The following PIWIL3 variants were observed in gnomAD, a reference collection of about 807,000 sequenced individuals.
PIWIL3 encodes the protein piwi-like protein 3.
In PIWIL3, 101 loss-of-function variants were observed where a neutral mutation model predicts 109.7. The observed-to-expected ratio is 0.92, with a 90% CI of 0.78 to 1.09. The LOEUF is 1.09. Among genes scored for constraint, PIWIL3 ranks in the 50% least tolerant of loss-of-function variants. The pLI, the probability that PIWIL3 is intolerant of heterozygous loss-of-function variation, is 0.00. For missense variants in PIWIL3, 1,031 were observed against 1,072.6 expected, an observed-to-expected ratio of 0.96 and a Z score of 0.54; for synonymous variants, 373 against 376.4, an observed-to-expected ratio of 0.99 and a Z score of 0.10.
At chr22:24,725,385 T>G in intron 17 of PIWIL3, 60 bp downstream of exon 17, 2 of 1,585,796 alleles carry the variant, frequency 1.3e-6, no homozygotes, top group Admixed American at 1.7e-5. Flanking sequence ...AGGCAGTAAG[T>G]CCATTGGTGG....
intron 8 of PIWIL3, among the ~76,000 whole-genome samples, chr22:24,753,099 C>T (rs1464320459): frequency 2.0e-5 from 3 of 152,144 alleles, no homozygotes; most frequent in Non-Finnish European, 4.4e-5. Flanking sequence ...CCAGTTTTTC[C>T]AGTTGTGTTT....
At chr22:24,738,184 G>A (rs571457768) in intron 12 of PIWIL3, among the ~76,000 whole-genome samples, 3 of 151,896 alleles carry the variant, frequency 2.0e-5, no homozygotes, top group African/African-American at 7.2e-5. Flanking sequence ...AGGAAGGGAA[G>A]AGTGAGAAGG....
intron 2 of PIWIL3, chr22:24,761,848 G>A (rs1297524087): frequency 1.5e-6 from 1 of 666,274 alleles, no homozygotes; most frequent in East Asian, 1.4e-4. Flanking sequence ...AGAAGGAGAG[G>A]AGCAACAGTC....
In PIWIL3 at chr22:24,734,127, TA is replaced by T; in HGVS notation, c.1663del (p.Tyr555IlefsTer2). The T allele has an allele frequency of 2.5e-6, 4 of 1,613,044 alleles. No homozygotes were observed. The highest frequency in any genetic ancestry group is 3.4e-6 in the Non-Finnish European group (4 of 1,179,642). ...AGTATATTTCCGTAATGTGTCTATA[TA>T]GGAGTTAGCATCACCATCTACTTCA... ...MIEVDGDANS[Y>X]IDTLRKYTRP... On this transcript the variant is annotated frameshift_variant, in exon 14 of 21. Coordinates refer to ENST00000616349, the MANE Select transcript of PIWIL3 (RefSeq NM_001255975.1). LOFTEE classifies it high-confidence loss of function.
chr22:24,734,647 T>C (rs540482142), intron 13 of PIWIL3, among the ~76,000 whole-genome samples: 1 of 151,790 alleles, frequency 6.6e-6, no homozygotes. Flanking sequence ...GTCCCCACAG[T>C]TTTGAGAGTT....
intron 19 of PIWIL3, among the ~76,000 whole-genome samples, chr22:24,721,009 G>A (rs140793593): frequency 2.0e-5 from 3 of 152,106 alleles, no homozygotes; most frequent in African/African-American, 4.8e-5. Context: ...ATACTCCATC[G>A]TAACTGATCA....
Position 24,754,111 on chromosome 22 carries a change from C to A in PIWIL3, c.880G>T (p.Ala294Ser), listed in dbSNP as rs527631431. 6 of 1,613,336 alleles carry A rather than the reference C, an allele frequency of 3.7e-6. No individual in the cohort carries two copies. The East Asian group carries it at 1.3e-4, about 36-fold the overall frequency. Residue 294 changes from alanine (A) to serine (S), a missense_variant, in exon 8 of 21, where the codon GCT (alanine) becomes TCT (serine). By Grantham distance (99) the Ala-to-Ser change is moderately conservative. Coordinates refer to ENST00000616349, the MANE Select transcript of PIWIL3 (RefSeq NM_001255975.1). The stretch of plus-strand genomic sequence containing the variant: ...GATGTTCTCTTTATGAAATCATAAG[C>A]AGTTTCTATTCGGAGCAGTTTGTGG... ...VSHKLLRIET[A>S]YDFIKRTSAQ...
At chr22:24,737,354 G>A (rs549147908) in intron 12 of PIWIL3, among the ~76,000 whole-genome samples, 103 of 152,262 alleles carry the variant, frequency 6.8e-4, no homozygotes, top group African/African-American at 2.4e-3. Context: ...AGGGAAACCT[G>A]TTGCTTTGAA....
rs2147648716 is a variant in PIWIL3, at chr22:24,725,116, CCATCTTTCAACACTGCAGCTTT to C, written c.2081-101_2081-80del. 1.2e-5 allele frequency: 19 copies of C among 1,540,898 alleles called. No homozygotes were observed. In the South Asian group the frequency reaches 2.2e-4, roughly 18 times the overall value. On this transcript the variant is annotated intron_variant, in intron 17 of 20. Transcript: ENST00000616349. ...TTGCTGCTTTTGACAAATTCTAGGT[CCATCTTTCAACACTGCAGCTTT>C]CAGGGCAATTTTACTGCTTAAGTCC...
intron 1 of PIWIL3, among the ~76,000 whole-genome samples, chr22:24,772,404 A>C (rs1926181124): frequency 6.6e-6 from 1 of 152,214 alleles, no homozygotes; most frequent in Non-Finnish European, 1.5e-5. Flanking sequence ...GTGGAATCAT[A>C]GCCTGTCCAG....
Position 24,751,374 on chromosome 22 carries a change from T to A in PIWIL3, c.1089+13A>T. 6.3e-7 allele frequency: 1 copy of A among 1,581,138 alleles called. No homozygotes were observed. The highest frequency in any genetic ancestry group is 2.2e-5 in the East Asian group (1 of 44,586). ...TACAATTTAAATATATTTAAAGAAA[T>A]ACAGTTTCATACCTGCCTGTAGTAG... On this transcript the variant is annotated intron_variant, in intron 9 of 20. Coordinates refer to ENST00000616349, the MANE Select transcript of PIWIL3 (RefSeq NM_001255975.1).
chr22:24,764,271 C>T (rs1316466827), intron 1 of PIWIL3, among the ~76,000 whole-genome samples: 1 of 152,244 alleles, frequency 6.6e-6, no homozygotes, highest in African/African-American at 2.4e-5. Context: ...GGGAGTGGGG[C>T]TGGCTCGCCC....
chr22:24,765,766 G>A (rs147301397), intron 1 of PIWIL3, among the ~76,000 whole-genome samples: 1,466 of 145,822 alleles, frequency 0.01, 20 homozygotes, highest in African/African-American at 0.035. Context: ...AAATTTAGAG[G>A]AAAATGAGTA....
intron 8 of PIWIL3, 138 bp downstream of exon 8, chr22:24,753,874 GGA>G: frequency 1.5e-6 from 1 of 681,508 alleles, no homozygotes. Flanking sequence ...TATAACCAGA[GGA>G]GAGACGTGTT....
Position 24,759,890 on chromosome 22 carries a change from CTGCTCCTCCTCT to C in PIWIL3, c.190_201del (p.Arg64_Ala67del), listed in dbSNP as rs548233885. On this transcript the variant is annotated inframe_deletion, in exon 3 of 21. Transcript: ENST00000616349. ...TCACCTTGAGACTGTGCTCCTCCTC[CTGCTCCTCCTCT>C]TGCTGCTCTTGGCTGCAGAGGTCTA... 3.6e-3 allele frequency: 5,854 copies of C among 1,614,078 alleles called. 15 individuals are homozygous for C. Among genetic ancestry groups the C allele is most frequent in the Non-Finnish European group, 4.5e-3 (5,332 of 1,179,962 alleles).
Position 24,755,917 on chromosome 22 carries a change from AAAAAAC to A in PIWIL3, c.571-18_571-13del, listed in dbSNP as rs1340484354. ...AACCATTCCACTCTCTGAGATTAAAAAAAAACAAAAAAAAAAGTCCAGATATTCTTC... is the reference window on the plus strand; with the variant it reads ...AACCATTCCACTCTCTGAGATTAAAAAAAAAAAAAAGTCCAGATATTCTTC... On this transcript the variant is annotated splice_polypyrimidine_tract_variant and intron_variant, in intron 5 of 20. Transcript: ENST00000616349. 48 of 1,582,480 alleles carry A rather than the reference AAAAAAC, an allele frequency of 3.0e-5. No homozygotes were observed. The highest frequency in any genetic ancestry group is 3.8e-5 in the Non-Finnish European group (45 of 1,169,566).
intron 7 of PIWIL3, 78 bp from the exon 8 acceptor site, chr22:24,754,295 TA>T: frequency 8.2e-7 from 1 of 1,223,836 alleles, no homozygotes; most frequent in Non-Finnish European, 1.2e-6. Flanking sequence ...GCTCTGGGTC[TA>T]AAAATTGGTA....
intron 12 of PIWIL3, among the ~76,000 whole-genome samples, chr22:24,741,984 G>T (rs1924035559): frequency 6.6e-6 from 1 of 151,974 alleles, no homozygotes; most frequent in African/African-American, 2.4e-5. Flanking sequence ...TGATATGATT[G>T]CATACCTAGA....
In PIWIL3 at chr22:24,759,883, CCTCCTCCTG is replaced by C. The variant is rs777869953; in HGVS notation, c.200_208del (p.Ala67_Gly69del). ...CTTCCTTTCACCTTGAGACTGTGCT[CCTCCTCCTG>C]CTCCTCCTCTTGCTGCTCTTGGCTG... On this transcript the variant is annotated inframe_deletion, in exon 3 of 21. Transcript: ENST00000616349. 3 of 1,613,956 alleles carry C rather than the reference CCTCCTCCTG, an allele frequency of 1.9e-6. No individual in the cohort carries two copies. Among genetic ancestry groups the C allele is most frequent in the Non-Finnish European group, 1.7e-6 (2 of 1,179,980 alleles).
Sources: gnomAD v4.1 joint callset for allele counts (sites outside exome capture counted in the v4.1 genomes callset) on GRCh38, gnomAD v4.1.1 for gene constraint, MANE v1.5 for transcripts, NCBI Gene and HGNC (gene_info 2026-07-23, HGNC 2026-07-21) for gene names.